Variants in RUBCNL observed in about 807,000 individuals in gnomAD.
RUBCNL encodes the protein rubicon like autophagy enhancer.
A neutral mutation model predicts 69.5 loss-of-function variants in RUBCNL; 62 were observed. The ratio of observed to expected loss-of-function variants is 0.89; its 90% CI spans 0.73 to 1.10. The LOEUF (loss-of-function observed/expected upper bound fraction) is 1.10, where lower values mean the gene tolerates loss of function less well. Ranked by LOEUF, RUBCNL falls within the 50% of genes least tolerant of loss-of-function variation. RUBCNL has a pLI of 0.00. For synonymous variants in RUBCNL, 291 were observed against 303.6 expected (o/e 0.96, Z 0.43); for missense variants, 768 against 798.1 (o/e 0.96, Z 0.45).
chr13:46,346,094 C>T (rs1358330458), intron 12 of RUBCNL, among the ~76,000 whole-genome samples: 1 of 152,226 alleles, frequency 6.6e-6, no homozygotes, highest in Admixed American at 6.5e-5. Context: ...GCTTAAGGCT[C>T]ATGCAGCCAA....
chr13:46,386,104 C>T (rs1566096061), intron 1 of RUBCNL, among the ~76,000 whole-genome samples: 1 of 152,144 alleles, frequency 6.6e-6, no homozygotes, highest in African/African-American at 2.4e-5. Flanking sequence ...TTTCAGTGGG[C>T]AGCAATGTGG....
Position 46,340,691 on chromosome 13 carries a change from C to T in RUBCNL, c.*2694G>A, listed in dbSNP as rs986955599. 7.2e-5 allele frequency among the ~76,000 whole-genome samples: 11 copies of T among 152,176 alleles called. No homozygotes were observed. The highest frequency in any genetic ancestry group is 4.1e-4 in the South Asian group (2 of 4,830). The stretch of plus-strand genomic sequence containing the variant: ...GTTAGGACTTGTGGCTGCTTCCACT[C>T]ATGGTGGAGGGGAAGGGGAGCCTGC... On this transcript the variant is annotated 3_prime_UTR_variant, in exon 15 of 15. Transcript: ENST00000429979.
intron 2 of RUBCNL, among the ~76,000 whole-genome samples, chr13:46,375,780 C>T (rs1311172092): frequency 6.6e-6 from 1 of 152,010 alleles, no homozygotes; most frequent in African/African-American, 2.4e-5. Context: ...TAGTTTATAC[C>T]TTCTGGAGTA....
chr13:46,368,344 G>T, intron 4 of RUBCNL, 95 bp from the exon 5 acceptor site: 2 of 1,430,168 alleles, frequency 1.4e-6, no homozygotes, highest in Non-Finnish European at 1.9e-6. Flanking sequence ...TATTTAAGTG[G>T]AATTAATGCA....
At chr13:46,345,358 G>A in intron 13 of RUBCNL, 89 bp downstream of exon 13, 2 of 1,449,002 alleles carry the variant, frequency 1.4e-6, no homozygotes, top group Admixed American at 2.1e-5. Flanking sequence ...TTCCCTCAGG[G>A]TTTGTGAGAG....
At chr13:46,360,360 A>C (rs947858368) in intron 8 of RUBCNL, among the ~76,000 whole-genome samples, 1 of 152,182 alleles carries the variant, frequency 6.6e-6, no homozygotes, top group Admixed American at 6.5e-5. Context: ...AAATAAAATA[A>C]AATAAAATCC....
chr13:46,381,471 G>C (rs939272651), intron 1 of RUBCNL, among the ~76,000 whole-genome samples: 5 of 152,080 alleles, frequency 3.3e-5, no homozygotes, highest in African/African-American at 1.2e-4. Flanking sequence ...ACAGCTAAAG[G>C]GTACCAGGTT....
intron 5 of RUBCNL, 21 bp from the exon 6 acceptor site, chr13:46,363,234 G>A: frequency 7.3e-7 from 1 of 1,362,670 alleles, no homozygotes; most frequent in Non-Finnish European, 9.8e-7. Context: ...AAAGGAAGGA[G>A]GTTTTTACCA....
rs1029701997 is a variant in RUBCNL, at chr13:46,339,506, G to A, written c.*3879C>T. Among the ~76,000 whole-genome samples, 1 of 152,116 alleles carries A rather than the reference G, an allele frequency of 6.6e-6. No individual in the cohort carries two copies. Among genetic ancestry groups the A allele is most frequent in the South Asian group, 2.1e-4 (1 of 4,826 alleles). Reference sequence around the variant, plus strand: ...AACCCCTTCCTGACATGTCTACCACGTTCCTTCCAGCAGGTTTGAATTCCG... The same window carrying A: ...AACCCCTTCCTGACATGTCTACCACATTCCTTCCAGCAGGTTTGAATTCCG... On this transcript the variant is annotated 3_prime_UTR_variant, in exon 15 of 15. Coordinates refer to ENST00000429979, the MANE Select transcript of RUBCNL (RefSeq NM_025113.5).
Position 46,368,029 on chromosome 13 carries a change from T to G in RUBCNL, c.826+13A>C, listed in dbSNP as rs746342687. On this transcript the variant is annotated intron_variant, in intron 5 of 14. Coordinates refer to ENST00000429979, the MANE Select transcript of RUBCNL (RefSeq NM_025113.5). ...CACATAACATACAGCTTTCTCATAT[T>G]TGCCCAACTTGCCTTCATAGCCACT... 1 of 1,612,518 alleles carries G rather than the reference T, an allele frequency of 6.2e-7. No individual in the cohort carries two copies. The highest frequency in any genetic ancestry group is 1.1e-5 in the South Asian group (1 of 91,060).
Position 46,334,816 on chromosome 13 carries a change from C to A in RUBCNL, c.*8569G>T, listed in dbSNP as rs1435682920. 6.6e-6 allele frequency among the ~76,000 whole-genome samples: 1 copy of A among 152,118 alleles called. No individual in the cohort carries two copies. Among genetic ancestry groups the A allele is most frequent in the Non-Finnish European group, 1.5e-5 (1 of 68,010 alleles). ...TTGTCAGCATTTTACAAATAGGAAA[C>A]CGGAGTCTTAAGAAATTTGAGCAAC... On this transcript the variant is annotated 3_prime_UTR_variant, in exon 15 of 15. Transcript: ENST00000429979.
chr13:46,377,889 C>G lies in RUBCNL; in HGVS notation c.-123+1G>C. ...GACAAAAGGCCAGGTCGGACACTCA[C>G]CAGGAGTATGAATTTCTCGAAGAGG... On this transcript the variant is annotated splice_donor_variant, in intron 2 of 14. Coordinates refer to ENST00000429979, the MANE Select transcript of RUBCNL (RefSeq NM_025113.5). LOFTEE classifies it low-confidence loss of function (5UTR_SPLICE). The G allele has an allele frequency of 6.3e-7, 1 of 1,588,102 alleles. No individual in the cohort carries two copies. Among genetic ancestry groups the G allele is most frequent in the East Asian group, 2.2e-5 (1 of 44,700 alleles).
At chr13:46,343,639 A>G (rs2048181192) in intron 14 of RUBCNL, 142 bp from the exon 15 acceptor site, 2 of 786,488 alleles carry the variant, frequency 2.5e-6, no homozygotes, top group Admixed American at 2.9e-5. Flanking sequence ...GCCAGGCTGA[A>G]ACGCACGTTT....
intron 1 of RUBCNL, among the ~76,000 whole-genome samples, chr13:46,379,140 A>G (rs570840142): frequency 8.5e-5 from 13 of 152,224 alleles, no homozygotes; most frequent in Admixed American, 1.3e-4. Flanking sequence ...GCCCAGGCAC[A>G]ATCTCGGCTC....
At position 46,343,236 on chromosome 13, in the gene RUBCNL, A is replaced by G; in HGVS notation, c.*149T>C. 1 of 1,214,936 alleles carries G rather than the reference A, an allele frequency of 8.2e-7. No homozygotes were observed. Among genetic ancestry groups the G allele is most frequent in the Middle Eastern group, 2.0e-4 (1 of 4,916 alleles). 75.3% of individuals were successfully genotyped at this position (1,214,936 alleles called of 1,614,324 possible). On this transcript the variant is annotated 3_prime_UTR_variant, in exon 15 of 15. Coordinates refer to ENST00000429979, the MANE Select transcript of RUBCNL (RefSeq NM_025113.5). ...AACACAGAATCTGCATTCTTTTGAA[A>G]CATTAAGTATATGCAATAAAGAGAA...
intron 10 of RUBCNL, among the ~76,000 whole-genome samples, chr13:46,353,164 A>G (rs2048408176): frequency 6.6e-6 from 1 of 152,196 alleles, no homozygotes; most frequent in Non-Finnish European, 1.5e-5. Flanking sequence ...CACTTGCCCA[A>G]ATTGTCCCTC....
chr13:46,364,659 C>T (rs2048709263), intron 5 of RUBCNL, among the ~76,000 whole-genome samples: 4 of 148,948 alleles, frequency 2.7e-5, no homozygotes, highest in Admixed American at 2.0e-4. Flanking sequence ...GGAAACATTG[C>T]TCACCCTCAG....
chr13:46,375,144 G>C (rs1043396341), intron 2 of RUBCNL, among the ~76,000 whole-genome samples: 1 of 152,128 alleles, frequency 6.6e-6, no homozygotes, highest in East Asian at 1.9e-4. Context: ...GTTCCCTGCC[G>C]GGTAGCATGC....
chr13:46,388,570 GAGGA>G (rs1185575895), upstream of RUBCNL, among the ~76,000 whole-genome samples: 1 of 152,072 alleles, frequency 6.6e-6, no homozygotes, highest in African/African-American at 2.4e-5. Flanking sequence ...GGGAGGGATG[GAGGA>G]AGGAAGGAAG....
Sources: gnomAD v4.1 joint callset for allele counts (sites outside exome capture counted in the v4.1 genomes callset) on GRCh38, gnomAD v4.1.1 for gene constraint, MANE v1.5 for transcripts, NCBI Gene and HGNC (gene_info 2026-07-23, HGNC 2026-07-21) for gene names.